MMP16: variants seen among roughly 807,000 people sequenced by gnomAD.
MMP16 encodes the protein matrix metallopeptidase 16.
A neutral mutation model predicts 67.8 loss-of-function variants in MMP16; 12 were observed. That is an observed-to-expected ratio of 0.18 (90% confidence interval 0.11 to 0.29). The LOEUF (loss-of-function observed/expected upper bound fraction) is 0.29, where lower values mean the gene tolerates loss of function less well. Among genes scored for constraint, MMP16 ranks in the 10% least tolerant of loss-of-function variants. MMP16 has a pLI of 1.00. For missense variants in MMP16, 475 were observed against 765.7 expected, an observed-to-expected ratio of 0.62 and a Z score of 4.48; for synonymous variants, 249 against 255.9, an observed-to-expected ratio of 0.97 and a Z score of 0.26.
At chr8:88,320,616 T>G (rs1811443535) in intron 1 of MMP16, among the ~76,000 whole-genome samples, 1 of 152,206 alleles carries the variant, frequency 6.6e-6, no homozygotes. Flanking sequence ...ACATCTTAAA[T>G]CGTGAACTGT....
intron 7 of MMP16, among the ~76,000 whole-genome samples, chr8:88,071,389 T>A (rs1231539353): frequency 6.6e-6 from 1 of 151,926 alleles, no homozygotes; most frequent in East Asian, 1.9e-4. Context: ...CAGAGTTAAA[T>A]ACATTTATAT....
chr8:88,306,256 G>C (rs537308509), intron 1 of MMP16, among the ~76,000 whole-genome samples: 2 of 152,118 alleles, frequency 1.3e-5, no homozygotes, highest in East Asian at 3.9e-4. Context: ...ATTCCTGAAA[G>C]ACCAACAGTG....
chr8:88,056,922 G>T (rs1412177729), intron 7 of MMP16, among the ~76,000 whole-genome samples: 2 of 152,086 alleles, frequency 1.3e-5, no homozygotes, highest in South Asian at 2.1e-4. Flanking sequence ...ATACTAAAAA[G>T]CAGACAAAAG....
intron 3 of MMP16, among the ~76,000 whole-genome samples, chr8:88,184,735 A>C (rs1809042607): frequency 8.2e-6 from 1 of 121,310 alleles, no homozygotes. Context: ...CGACAGAGTG[A>C]GGCCCTGTCT....
chr8:88,166,410 T>C (rs984739632), intron 4 of MMP16, among the ~76,000 whole-genome samples: 2 of 151,948 alleles, frequency 1.3e-5, no homozygotes, highest in African/African-American at 4.8e-5. Context: ...AATTGAATTA[T>C]GCATTGTTGA....
At chr8:88,282,003 AT>A (rs140318104) in intron 1 of MMP16, among the ~76,000 whole-genome samples, 2 of 150,036 alleles carry the variant, frequency 1.3e-5, no homozygotes, top group East Asian at 3.9e-4. Flanking sequence ...AATTCTACAC[AT>A]TTTTTAAAAG....
intron 1 of MMP16, among the ~76,000 whole-genome samples, chr8:88,311,656 A>C (rs1325045584): frequency 4.6e-5 from 7 of 152,164 alleles, no homozygotes; most frequent in Non-Finnish European, 8.8e-5. Flanking sequence ...AGATTTATCT[A>C]ATACCATAAA....
chr8:88,114,644 G>T (rs369831607), intron 6 of MMP16, among the ~76,000 whole-genome samples: 1 of 151,898 alleles, frequency 6.6e-6, no homozygotes, highest in East Asian at 1.9e-4. Flanking sequence ...ATATTACAAA[G>T]AACAAAATGC....
At chr8:88,171,462 T>C (rs1808802670) in intron 3 of MMP16, among the ~76,000 whole-genome samples, 2 of 152,120 alleles carry the variant, frequency 1.3e-5, no homozygotes, top group Non-Finnish European at 1.5e-5. Context: ...ATCATTAAGG[T>C]TGAAAAACGT....
chr8:88,095,658 C>T (rs777872961), intron 6 of MMP16, among the ~76,000 whole-genome samples: 21 of 151,912 alleles, frequency 1.4e-4, no homozygotes, highest in South Asian at 1.0e-3. Context: ...ATAAATAATA[C>T]GCTTCAAAAC....
At chr8:88,102,733 A>C (rs562055263) in intron 6 of MMP16, among the ~76,000 whole-genome samples, 124 of 151,938 alleles carry the variant, frequency 8.2e-4, no homozygotes, top group African/African-American at 2.9e-3. Flanking sequence ...CGCATAAAAA[A>C]AGATATCACT....
intron 4 of MMP16, among the ~76,000 whole-genome samples, chr8:88,160,337 T>C (rs1480145666): frequency 6.6e-6 from 1 of 152,022 alleles, no homozygotes; most frequent in Non-Finnish European, 1.5e-5. Flanking sequence ...TTCCATGGTG[T>C]ATATGTGCCA....
At chr8:88,294,168 ATAAT>A (rs1039873338) in intron 1 of MMP16, among the ~76,000 whole-genome samples, 1 of 148,212 alleles carries the variant, frequency 6.7e-6, no homozygotes, top group African/African-American at 2.5e-5. Flanking sequence ...ATGTGTATAT[ATAAT>A]TATATATGTC....
At chr8:88,116,078 T>A (rs983466589) in intron 6 of MMP16, among the ~76,000 whole-genome samples, 1 of 152,246 alleles carries the variant, frequency 6.6e-6, no homozygotes, top group Admixed American at 6.5e-5. Flanking sequence ...ATGCTCTTCC[T>A]GTAAAACAAT....
intron 7 of MMP16, among the ~76,000 whole-genome samples, chr8:88,056,544 T>C (rs1808335333): frequency 6.6e-6 from 1 of 151,976 alleles, no homozygotes; most frequent in Admixed American, 6.6e-5. Context: ...ATTTAAAAAA[T>C]AAAATAGATC....
chr8:88,075,658 T>C (rs1239678879), intron 6 of MMP16, among the ~76,000 whole-genome samples: 2 of 152,126 alleles, frequency 1.3e-5, no homozygotes, highest in African/African-American at 2.4e-5. Context: ...AAAAACTAGG[T>C]GTATTTTAAA....
chr8:88,310,767 A>G (rs949425968), intron 1 of MMP16, among the ~76,000 whole-genome samples: 1 of 152,110 alleles, frequency 6.6e-6, no homozygotes, highest in Non-Finnish European at 1.5e-5. Context: ...ATTCGCCCAT[A>G]TGCCCCCAGG....
At chr8:88,111,040 T>C (rs1009600237) in intron 6 of MMP16, among the ~76,000 whole-genome samples, 26 of 151,762 alleles carry the variant, frequency 1.7e-4, no homozygotes, top group African/African-American at 6.3e-4. Flanking sequence ...AGCTACAGTC[T>C]CTGTGTGGAG....
intron 1 of MMP16, among the ~76,000 whole-genome samples, chr8:88,319,481 A>C (rs566316031): frequency 2.0e-5 from 3 of 152,086 alleles, no homozygotes; most frequent in Non-Finnish European, 4.4e-5. Flanking sequence ...AGGAACTGCA[A>C]CTGTTGAGAG....
Sources: gnomAD v4.1 joint callset for allele counts (sites outside exome capture counted in the v4.1 genomes callset) on GRCh38, gnomAD v4.1.1 for gene constraint, MANE v1.5 for transcripts, NCBI Gene and HGNC (gene_info 2026-07-23, HGNC 2026-07-21) for gene names.